Variants in STRN observed in about 807,000 individuals in gnomAD.
The protein encoded by STRN is protein phosphatase 2 regulatory subunit B'''alpha.
A neutral mutation model predicts 96.3 loss-of-function variants in STRN; 53 were observed. The ratio of observed to expected loss-of-function variants is 0.55; its 90% CI spans 0.44 to 0.69. The LOEUF is 0.69. STRN is among the 30% of genes least tolerant of loss of function. The probability of loss-of-function intolerance (pLI) is 0.00; values close to 1 mark genes in which losing one functional copy is unlikely to be tolerated. For synonymous variants in STRN, 428 were observed against 355.9 expected (o/e 1.20, Z -2.28); for missense variants, 987 against 963.9 (o/e 1.02, Z -0.32).
At chr2:36,879,905 G>A (rs1485250207) in intron 9 of STRN, among the ~76,000 whole-genome samples, 1 of 151,920 alleles carries the variant, frequency 6.6e-6, no homozygotes, top group African/African-American at 2.4e-5. Context: ...CAAGGTGAGA[G>A]GACCCTTTGG....
intron 1 of STRN, among the ~76,000 whole-genome samples, chr2:36,930,147 T>C (rs1268189516): frequency 6.6e-6 from 1 of 152,158 alleles, no homozygotes; most frequent in Non-Finnish European, 1.5e-5. Context: ...AGTGTCATTA[T>C]CAGGCTAGGC....
rs561396320 is a variant in STRN, at chr2:36,937,451, T to C, written c.235-12243A>G. 2.6e-5 allele frequency among the ~76,000 whole-genome samples: 4 copies of C among 151,862 alleles called. No homozygotes were observed. The Middle Eastern group carries it at 0.014, about 527-fold the overall frequency. On this transcript the variant is annotated intron_variant, in intron 1 of 17. Transcript: ENST00000263918. ...TGGGAGGTCAAGGCAGGAAGATGGC[T>C]TGAGACCAGGAGTTCAAGACTAGCC...
Position 36,883,956 on chromosome 2 carries a change from G to A in STRN, c.1162C>T (p.His388Tyr), listed in dbSNP as rs1350675641. 2.1e-6 allele frequency: 3 copies of A among 1,413,750 alleles called. No homozygotes were observed. The highest frequency in any genetic ancestry group is 1.9e-5 in the South Asian group (1 of 51,282). The allele number at this position is 1,413,750 out of a possible 1,614,324, so 87.6% of individuals were successfully genotyped here. A position where few individuals can be genotyped will look rare whatever the true frequency, so the allele number is the denominator to read the frequency against. ...SRPSSSRLPE[H>Y]EINRADEVEA... ...CCTTCATCTGCCCTATTAATTTCAT[G>A]TTCAGGAAGCCTGGAGCTGCTGGGT... Residue 388 changes from histidine to tyrosine, a missense_variant, in exon 9 of 18, where the codon CAT becomes TAT. His to Tyr is a moderately conservative substitution (Grantham distance 83). Transcript: ENST00000263918.
At chr2:36,851,151 AT>A in intron 15 of STRN, 44 bp from the exon 16 acceptor site, 1 of 1,503,448 alleles carries the variant, frequency 6.7e-7, no homozygotes, top group African/African-American at 1.4e-5. Flanking sequence ...AGTCAAAGAT[AT>A]TTTTCACACA....
intron 10 of STRN, among the ~76,000 whole-genome samples, chr2:36,874,506 T>G (rs1484042219): frequency 6.6e-6 from 1 of 151,788 alleles, no homozygotes; most frequent in Non-Finnish European, 1.5e-5. Context: ...GCTGAGAACT[T>G]CACAAAAGTG....
chr2:36,960,779 T>C (rs1482746299), intron 1 of STRN, among the ~76,000 whole-genome samples: 1 of 152,206 alleles, frequency 6.6e-6, no homozygotes, highest in African/African-American at 2.4e-5. Flanking sequence ...GTCACAATAA[T>C]AAAGACAAAC....
At chr2:36,892,928 G>A (rs956898514) in intron 7 of STRN, among the ~76,000 whole-genome samples, 14 of 152,128 alleles carry the variant, frequency 9.2e-5, no homozygotes, top group African/African-American at 3.4e-4. Flanking sequence ...GCTGAGGCAT[G>A]AGAATTGCTT....
chr2:36,959,762 A>G (rs1664983110), intron 1 of STRN, among the ~76,000 whole-genome samples: 1 of 152,240 alleles, frequency 6.6e-6, no homozygotes, highest in African/African-American at 2.4e-5. Context: ...ACTTTTATAG[A>G]TAATGTAAAA....
chr2:36,943,934 T>C (rs955239557), intron 1 of STRN, among the ~76,000 whole-genome samples: 5 of 151,626 alleles, frequency 3.3e-5, no homozygotes, highest in Admixed American at 1.3e-4. Context: ...CTGGCCAACA[T>C]GGTGAAACCC....
chr2:36,849,665 A>C (rs1201177927), intron 17 of STRN, 40 bp from the exon 18 acceptor site: 2 of 1,612,542 alleles, frequency 1.2e-6, no homozygotes. Context: ...AATTACATTA[A>C]CATGAAAATG....
chr2:36,930,981 CGAGA>C (rs970220823), intron 1 of STRN, among the ~76,000 whole-genome samples: 1 of 151,394 alleles, frequency 6.6e-6, no homozygotes, highest in African/African-American at 2.4e-5. Context: ...TGTGGTGAGT[CGAGA>C]TCATGCCACT....
intron 10 of STRN, among the ~76,000 whole-genome samples, chr2:36,872,099 G>T (rs1460659970): frequency 6.6e-6 from 1 of 152,098 alleles, no homozygotes; most frequent in East Asian, 1.9e-4. Flanking sequence ...CACTAAGATG[G>T]CCCCAATCAG....
intron 10 of STRN, among the ~76,000 whole-genome samples, chr2:36,874,343 T>G (rs1244474242): frequency 6.7e-6 from 1 of 149,306 alleles, no homozygotes; most frequent in Non-Finnish European, 1.5e-5. Flanking sequence ...GAAGAGACAA[T>G]TAGTGAACTG....
At chr2:36,908,427 C>T (rs767088717) in intron 3 of STRN, among the ~76,000 whole-genome samples, 153 of 152,072 alleles carry the variant, frequency 1.0e-3, no homozygotes, top group Non-Finnish European at 1.8e-3. Context: ...AAGCCAGAAT[C>T]GAAAGGCTAC....
At position 36,849,219 on chromosome 2, in the gene STRN, G is replaced by C. The variant is rs1418375535; in HGVS notation, c.*237C>G. On this transcript the variant is annotated 3_prime_UTR_variant, in exon 18 of 18. Transcript: ENST00000263918. ...CTCAGAAATAAAGGCGCCTATTGGGGAGAAATTTGAAACAGACCTCAGGCT... is the reference window on the plus strand; with the variant it reads ...CTCAGAAATAAAGGCGCCTATTGGGCAGAAATTTGAAACAGACCTCAGGCT... The C allele has an allele frequency of 2.7e-5, 13 of 490,438 alleles. No homozygotes were observed. Among genetic ancestry groups the C allele is most frequent in the Non-Finnish European group, 4.7e-5 (13 of 279,168 alleles). 30.4% of individuals were successfully genotyped at this position (490,438 alleles called of 1,614,324 possible).
Position 36,873,923 on chromosome 2 carries a change from C to T in STRN, c.1323+3968G>A, listed in dbSNP as rs373577233. On this transcript the variant is annotated intron_variant, in intron 10 of 17. Coordinates refer to ENST00000263918, the MANE Select transcript of STRN (RefSeq NM_003162.4). ...ACGCCACTGCACTCCAGTCTGGCGA[C>T]AAAGCGAGACTCCGCCTCAAAAAAA... 3.3e-4 allele frequency among the ~76,000 whole-genome samples: 43 copies of T among 129,182 alleles called. No homozygotes were observed. The East Asian group carries it at 9.7e-3, about 29-fold the overall frequency. 84.7% of individuals were successfully genotyped at this position (129,182 alleles called of 152,430 possible). A position where few individuals can be genotyped will look rare whatever the true frequency, so the allele number is the denominator to read the frequency against.
At chr2:36,912,335 C>T (rs1035669094) in intron 3 of STRN, among the ~76,000 whole-genome samples, 17 of 152,182 alleles carry the variant, frequency 1.1e-4, no homozygotes, top group Non-Finnish European at 2.4e-4. Context: ...ACCTTCACAA[C>T]CTAAGCTTCC....
intron 1 of STRN, among the ~76,000 whole-genome samples, chr2:36,925,772 C>A (rs1425995226): frequency 6.6e-6 from 1 of 152,078 alleles, no homozygotes; most frequent in Non-Finnish European, 1.5e-5. Flanking sequence ...GACTCCATAT[C>A]AAAAAATAAA....
At chr2:36,893,346 G>A (rs1198444088) in intron 7 of STRN, among the ~76,000 whole-genome samples, 3 of 151,812 alleles carry the variant, frequency 2.0e-5, no homozygotes, top group Admixed American at 1.3e-4. Flanking sequence ...CATTTTTACA[G>A]GAAAAATTAA....
Sources: gnomAD v4.1 joint callset for allele counts (sites outside exome capture counted in the v4.1 genomes callset) on GRCh38, gnomAD v4.1.1 for gene constraint, MANE v1.5 for transcripts, NCBI Gene and HGNC (gene_info 2026-07-23, HGNC 2026-07-21) for gene names.